Variants in EYA1 observed in about 807,000 individuals in gnomAD.
EYA1 encodes the protein EYA transcriptional coactivator and phosphatase 1, also known as protein phosphatase EYA1.
A neutral mutation model predicts 82.0 loss-of-function variants in EYA1; 16 were observed. The observed-to-expected ratio is 0.20, with a 90% CI of 0.13 to 0.30. The LOEUF (loss-of-function observed/expected upper bound fraction) is 0.30. Among genes scored for constraint, EYA1 ranks in the 10% least tolerant of loss-of-function variants. EYA1 has a pLI of 1.00. For missense variants in EYA1, 633 were observed against 730.7 expected, an observed-to-expected ratio of 0.87 and a Z score of 1.54; for synonymous variants, 261 against 264.4, an observed-to-expected ratio of 0.99 and a Z score of 0.12.
At chr8:71,431,259 C>T (rs114181183) in intron 2 of EYA1, among the ~76,000 whole-genome samples, 100 of 152,260 alleles carry the variant, frequency 6.6e-4, no homozygotes, top group African/African-American at 2.3e-3. Context: ...CTCTGTCTCC[C>T]TTCCTGTAAG....
chr8:71,493,884 G>A (rs900888392), intron 2 of EYA1, among the ~76,000 whole-genome samples: 14 of 147,208 alleles, frequency 9.5e-5, no homozygotes, highest in African/African-American at 2.0e-4. Context: ...TTAGCCGGGC[G>A]TAGTGGCGGG....
At chr8:71,233,521 G>T (rs973002926) in intron 12 of EYA1, among the ~76,000 whole-genome samples, 1 of 146,094 alleles carries the variant, frequency 6.8e-6, no homozygotes, top group African/African-American at 2.6e-5. Context: ...CCGAGATTGT[G>T]CCACTGCACT....
intron 12 of EYA1, among the ~76,000 whole-genome samples, chr8:71,218,274 T>C (rs1280589254): frequency 6.6e-6 from 1 of 152,166 alleles, no homozygotes; most frequent in Non-Finnish European, 1.5e-5. Flanking sequence ...AGACTCAACT[T>C]CATAACAAAG....
At chr8:71,328,313 C>T (rs1823403185) in intron 4 of EYA1, among the ~76,000 whole-genome samples, 2 of 152,156 alleles carry the variant, frequency 1.3e-5, no homozygotes, top group South Asian at 4.1e-4. Context: ...TTGTCTCTTT[C>T]ATCACTTATA....
chr8:71,346,131 CT>C (rs1825678296), intron 3 of EYA1, among the ~76,000 whole-genome samples: 1 of 152,114 alleles, frequency 6.6e-6, no homozygotes, highest in East Asian at 1.9e-4. Context: ...CCTACCTCTT[CT>C]TCAGGACTCA....
At chr8:71,362,982 C>G (rs1349204690), upstream of EYA1, among the ~76,000 whole-genome samples, 2 of 152,126 alleles carry the variant, frequency 1.3e-5, no homozygotes, top group Non-Finnish European at 2.9e-5. Context: ...ATTTGCCAGA[C>G]CTGTGCCAAC....
intron 2 of EYA1, among the ~76,000 whole-genome samples, chr8:71,442,631 T>C (rs1291672886): frequency 6.6e-6 from 1 of 152,232 alleles, no homozygotes; most frequent in Non-Finnish European, 1.5e-5. Flanking sequence ...TTATGTTCTA[T>C]TGAGCATGAA....
intron 2 of EYA1, among the ~76,000 whole-genome samples, chr8:71,462,993 A>G (rs1388864635): frequency 6.6e-6 from 1 of 152,236 alleles, no homozygotes; most frequent in African/African-American, 2.4e-5. Context: ...CAAAGATGTC[A>G]AATTAATTTT....
chr8:71,392,604 T>G (rs1829344272), intron 2 of EYA1, among the ~76,000 whole-genome samples: 1 of 152,214 alleles, frequency 6.6e-6, no homozygotes. Flanking sequence ...GAAATTTTAG[T>G]GCCTTTAAAA....
At chr8:71,446,808 C>T (rs1451444912) in intron 2 of EYA1, among the ~76,000 whole-genome samples, 1 of 152,160 alleles carries the variant, frequency 6.6e-6, no homozygotes, top group Non-Finnish European at 1.5e-5. Flanking sequence ...TATGATTGAT[C>T]TTAGCATTAC....
intron 2 of EYA1, among the ~76,000 whole-genome samples, chr8:71,489,795 T>C (rs1269770429): frequency 2.0e-5 from 3 of 152,282 alleles, no homozygotes; most frequent in Admixed American, 6.5e-5. Context: ...GAACGACATG[T>C]ATTTTAATCA....
intron 2 of EYA1, among the ~76,000 whole-genome samples, chr8:71,448,279 TTGC>T (rs1807062333): frequency 6.6e-6 from 1 of 152,188 alleles, no homozygotes; most frequent in Non-Finnish European, 1.5e-5. Context: ...TCTAAATACT[TTGC>T]TGTCATTTCA....
At chr8:71,303,623 G>A (rs4737314) in intron 7 of EYA1, among the ~76,000 whole-genome samples, 16,518 of 140,468 alleles carry the variant, frequency 0.12, 3,469 homozygotes, top group South Asian at 0.27. Flanking sequence ...CTTCACATAG[G>A]ACTTAGGGTC....
chr8:71,433,271 A>G (rs1000974366), intron 2 of EYA1, among the ~76,000 whole-genome samples: 2 of 152,244 alleles, frequency 1.3e-5, no homozygotes, highest in Non-Finnish European at 2.9e-5. Flanking sequence ...AAGGAGAAAG[A>G]TTTGAAAAGA....
intron 7 of EYA1, among the ~76,000 whole-genome samples, chr8:71,308,702 CTTT>C (rs539041365): frequency 8.0e-6 from 1 of 124,340 alleles, no homozygotes; most frequent in Non-Finnish European, 1.7e-5. Flanking sequence ...CTTCAAAAAG[CTTT>C]TTTTTTTTTT....
chr8:71,483,570 C>T (rs980948300), intron 2 of EYA1, among the ~76,000 whole-genome samples: 1 of 140,464 alleles, frequency 7.1e-6, no homozygotes, highest in Non-Finnish European at 1.5e-5. Flanking sequence ...AAAAAAAAAA[C>T]ACCACATTTT....
At chr8:71,310,150 G>A (rs760555398) in intron 7 of EYA1, among the ~76,000 whole-genome samples, 14 of 152,140 alleles carry the variant, frequency 9.2e-5, no homozygotes, top group Admixed American at 6.5e-4. Context: ...TACCACCATC[G>A]TGATGATTCT....
At chr8:71,417,062 C>T (rs1830892881) in intron 2 of EYA1, among the ~76,000 whole-genome samples, 1 of 152,120 alleles carries the variant, frequency 6.6e-6, no homozygotes, top group Non-Finnish European at 1.5e-5. Flanking sequence ...GCTTCCAAGC[C>T]TACATCTTTC....
At chr8:71,465,956 G>A (rs2129195732) in intron 2 of EYA1, among the ~76,000 whole-genome samples, 1 of 152,188 alleles carries the variant, frequency 6.6e-6, no homozygotes, top group South Asian at 2.1e-4. Context: ...CAAAACAAAT[G>A]GTCACTTTCA....
Sources: gnomAD v4.1 joint callset for allele counts (sites outside exome capture counted in the v4.1 genomes callset) on GRCh38, gnomAD v4.1.1 for gene constraint, MANE v1.5 for transcripts, NCBI Gene and HGNC (gene_info 2026-07-23, HGNC 2026-07-21) for gene names.